The following ARB2A variants were observed in gnomAD, a reference collection of about 807,000 sequenced individuals.
The protein encoded by ARB2A is cotranscriptional regulator ARB2A.
At chr5:94,067,203 G>A in the ARB2A span, among the ~76,000 whole-genome samples, 1 of 151,996 alleles carries the variant, frequency 6.6e-6, no homozygotes, top group South Asian at 2.1e-4. Flanking sequence ...ACATAATAAA[G>A]GTCATATGTA....
chr5:93,723,604 G>A, the ARB2A span, among the ~76,000 whole-genome samples: 1 of 152,044 alleles, frequency 6.6e-6, no homozygotes, highest in East Asian at 1.9e-4. Flanking sequence ...TTTAAAACAA[G>A]GTAATTTGTT....
the ARB2A span, among the ~76,000 whole-genome samples, chr5:93,657,850 G>A: frequency 6.6e-6 from 1 of 152,040 alleles, no homozygotes; most frequent in Non-Finnish European, 1.5e-5. Flanking sequence ...CAATCCCCAG[G>A]CTGTATTTCT....
the ARB2A span, among the ~76,000 whole-genome samples, chr5:94,030,424 C>A: frequency 1.3e-5 from 2 of 152,200 alleles, no homozygotes; most frequent in East Asian, 3.9e-4. Context: ...GCAGAGTCAT[C>A]TGGGGGACAA....
chr5:93,836,418 C>G, the ARB2A span, among the ~76,000 whole-genome samples: 41 of 152,214 alleles, frequency 2.7e-4, no homozygotes, highest in African/African-American at 8.9e-4. Context: ...GAAAGACACA[C>G]ACAAGGAAAT....
At chr5:94,092,316 A>T in the ARB2A span, among the ~76,000 whole-genome samples, 1 of 152,118 alleles carries the variant, frequency 6.6e-6, no homozygotes, top group African/African-American at 2.4e-5. Flanking sequence ...TCTAAATATG[A>T]TATTTCCCTC....
At chr5:93,785,116 T>C in the ARB2A span, among the ~76,000 whole-genome samples, 672 of 152,306 alleles carry the variant, frequency 4.4e-3, 3 homozygotes, top group Middle Eastern at 0.014. Flanking sequence ...ATGCTATTTC[T>C]ACAAAACAAA....
the ARB2A span, among the ~76,000 whole-genome samples, chr5:93,839,610 T>C: frequency 2.0e-5 from 3 of 152,170 alleles, no homozygotes; most frequent in Admixed American, 1.3e-4. Context: ...GCAGCTCTTC[T>C]TTATACACCT....
the ARB2A span, among the ~76,000 whole-genome samples, chr5:93,775,065 T>G: frequency 6.6e-6 from 1 of 152,180 alleles, no homozygotes; most frequent in Non-Finnish European, 1.5e-5. Flanking sequence ...TCTGTGTGTG[T>G]GTATAGTAGC....
At chr5:94,056,257 A>G in the ARB2A span, among the ~76,000 whole-genome samples, 1 of 152,238 alleles carries the variant, frequency 6.6e-6, no homozygotes, top group African/African-American at 2.4e-5. Flanking sequence ...GCTTTGCTCA[A>G]AATGTTCCTT....
chr5:93,647,833 AT>A, the ARB2A span, among the ~76,000 whole-genome samples: 1 of 152,144 alleles, frequency 6.6e-6, no homozygotes, highest in Non-Finnish European at 1.5e-5. Context: ...GCAGGATCGC[AT>A]TTTGAAAATG....
At chr5:93,798,796 G>A in the ARB2A span, among the ~76,000 whole-genome samples, 4 of 152,200 alleles carry the variant, frequency 2.6e-5, no homozygotes, top group African/African-American at 9.6e-5. Context: ...CACTACCTAA[G>A]AGCACATATG....
At chr5:93,665,034 C>G in the ARB2A span, among the ~76,000 whole-genome samples, 1 of 152,014 alleles carries the variant, frequency 6.6e-6, no homozygotes, top group East Asian at 1.9e-4. Flanking sequence ...GCCATGTTGC[C>G]CAGGCTGATA....
the ARB2A span, among the ~76,000 whole-genome samples, chr5:93,982,224 G>A: frequency 1.3e-5 from 2 of 152,146 alleles, no homozygotes; most frequent in Non-Finnish European, 1.5e-5. Flanking sequence ...CTGTTTCAGG[G>A]CTTCATCTGA....
chr5:93,680,346 A>AT, the ARB2A span, among the ~76,000 whole-genome samples: 1 of 152,074 alleles, frequency 6.6e-6, no homozygotes, highest in African/African-American at 2.4e-5. Flanking sequence ...AAAAATGGAG[A>AT]TTCCCCCAAT....
At chr5:93,791,407 G>C in the ARB2A span, among the ~76,000 whole-genome samples, 1 of 152,190 alleles carries the variant, frequency 6.6e-6, no homozygotes, top group African/African-American at 2.4e-5. Flanking sequence ...TCAATGCTTA[G>C]CAATTTCAGC....
At chr5:94,094,607 C>T in the ARB2A span, among the ~76,000 whole-genome samples, 1 of 152,166 alleles carries the variant, frequency 6.6e-6, no homozygotes. Context: ...TTAGAAGATG[C>T]ATTACTTCAA....
At chr5:93,823,449 A>G in the ARB2A span, among the ~76,000 whole-genome samples, 2 of 152,212 alleles carry the variant, frequency 1.3e-5, no homozygotes, top group Non-Finnish European at 2.9e-5. Flanking sequence ...AATACTAATT[A>G]TATAAAATTC....
the ARB2A span, among the ~76,000 whole-genome samples, chr5:93,988,009 C>T: frequency 6.6e-6 from 1 of 152,204 alleles, no homozygotes; most frequent in Non-Finnish European, 1.5e-5. Flanking sequence ...TCTAACTGCT[C>T]AGTCTATAAG....
the ARB2A span, among the ~76,000 whole-genome samples, chr5:94,104,475 G>A: frequency 6.6e-6 from 1 of 151,828 alleles, no homozygotes; most frequent in African/African-American, 2.4e-5. Flanking sequence ...TTGAAACCCT[G>A]AACAGACCAA....
Sources: allele counts gnomAD v4.1 joint callset (sites outside exome capture counted in the v4.1 genomes callset), GRCh38; gene constraint gnomAD v4.1.1; transcripts MANE v1.5; gene names NCBI Gene and HGNC (gene_info 2026-07-23, HGNC 2026-07-21).